The following SEZ6L variants were observed in gnomAD, a reference collection of about 807,000 sequenced individuals.
The protein encoded by SEZ6L is seizure 6-like protein.
Under a neutral mutation model 106.2 loss-of-function variants are expected in SEZ6L, and 37 were observed. That is an observed-to-expected ratio of 0.35 (90% CI 0.27 to 0.46). The LOEUF (loss-of-function observed/expected upper bound fraction) is 0.46. SEZ6L is among the 20% of genes least tolerant of loss of function. The pLI is 1.00. For synonymous variants in SEZ6L, 541 were observed against 570.4 expected (o/e 0.95, Z 0.73); for missense variants, 1,172 against 1,332.8 (o/e 0.88, Z 1.88).
intron 9 of SEZ6L, among the ~76,000 whole-genome samples, chr22:26,319,477 C>A (rs181766153): frequency 6.6e-6 from 1 of 152,222 alleles, no homozygotes; most frequent in African/African-American, 2.4e-5. Flanking sequence ...TCTCCAGCAT[C>A]GCTTTATTCC....
intron 4 of SEZ6L, among the ~76,000 whole-genome samples, chr22:26,298,032 A>G (rs960481102): frequency 6.6e-6 from 1 of 152,176 alleles, no homozygotes; most frequent in Admixed American, 6.5e-5. Context: ...CATGTGTTAT[A>G]TCAAATTGTC....
At chr22:26,183,600 A>G (rs920236584) in intron 1 of SEZ6L, among the ~76,000 whole-genome samples, 1 of 152,248 alleles carries the variant, frequency 6.6e-6, no homozygotes, top group Non-Finnish European at 1.5e-5. Flanking sequence ...GAGAACCTCC[A>G]ATAACCATCC....
chr22:26,304,391 A>G (rs931332318), intron 5 of SEZ6L, among the ~76,000 whole-genome samples: 1 of 141,080 alleles, frequency 7.1e-6, no homozygotes, highest in Admixed American at 6.9e-5. Context: ...AAAGAAAGAA[A>G]GAAAGAAAGA....
At chr22:26,317,217 C>T (rs1476874694) in intron 9 of SEZ6L, among the ~76,000 whole-genome samples, 3 of 152,098 alleles carry the variant, frequency 2.0e-5, no homozygotes, top group African/African-American at 7.2e-5. Flanking sequence ...CTTTAGGAAG[C>T]CTTCTGTGTC....
At chr22:26,310,428 C>T (rs892277690) in intron 6 of SEZ6L, among the ~76,000 whole-genome samples, 2 of 152,102 alleles carry the variant, frequency 1.3e-5, no homozygotes, top group Non-Finnish European at 2.9e-5. Context: ...CTCAGCTACT[C>T]GGGAGGCTGA....
chr22:26,260,880 C>T (rs752888826), intron 1 of SEZ6L, among the ~76,000 whole-genome samples: 2 of 152,116 alleles, frequency 1.3e-5, no homozygotes, highest in African/African-American at 4.8e-5. Context: ...TCACTGCATC[C>T]GTGCCAACGT....
chr22:26,215,907 T>TG (rs1456253764), intron 1 of SEZ6L, among the ~76,000 whole-genome samples: 2 of 152,190 alleles, frequency 1.3e-5, no homozygotes, highest in Non-Finnish European at 2.9e-5. Context: ...CAGCCTGATG[T>TG]GATGAGCTCG....
rs489363 is a variant in SEZ6L at position 26,382,495 on chromosome 22, A to G, written c.*2200A>G. 0.6 allele frequency: 91,019 copies of G among 152,406 alleles called. 29,394 individuals carry two copies. The highest frequency in any genetic ancestry group is 0.98 in the East Asian group (5,089 of 5,190). The allele number at this position is 152,406 out of a possible 1,614,324, so 9.4% of individuals were successfully genotyped here. A position where few individuals can be genotyped will look rare whatever the true frequency, so the allele number is the denominator to read the frequency against. On this transcript the variant is annotated 3_prime_UTR_variant, in exon 17 of 17. Transcript: ENST00000248933. ...CCCAGATGTTCTTATTGACTATTGG[A>G]AAGATAGAAAAGGCGTTGTGTTTTT...
chr22:26,375,765 C>G, intron 15 of SEZ6L, 76 bp downstream of exon 15: 1 of 1,112,568 alleles, frequency 9.0e-7, no homozygotes, highest in South Asian at 1.5e-5. Flanking sequence ...GTTCACCTCT[C>G]TGAGCCTCAG....
intron 1 of SEZ6L, among the ~76,000 whole-genome samples, chr22:26,262,439 A>G (rs1276655679): frequency 6.6e-6 from 1 of 152,176 alleles, no homozygotes; most frequent in Non-Finnish European, 1.5e-5. Flanking sequence ...AGGAACCAGG[A>G]TGTAACATAC....
At chr22:26,270,397 G>T (rs563673089) in intron 1 of SEZ6L, among the ~76,000 whole-genome samples, 1 of 151,898 alleles carries the variant, frequency 6.6e-6, no homozygotes, top group Non-Finnish European at 1.5e-5. Context: ...CAAACAGGAG[G>T]CTTAACTTGA....
chr22:26,281,587 C>T (rs1021446131), intron 1 of SEZ6L, among the ~76,000 whole-genome samples: 1 of 152,010 alleles, frequency 6.6e-6, no homozygotes, highest in African/African-American at 2.4e-5. Context: ...ACCGTGTTAG[C>T]CAGGATGGTC....
chr22:26,304,361 AAAAGAAAGAAGAAAGAAAGAAAGAAAG>A (rs1569454252), intron 5 of SEZ6L, among the ~76,000 whole-genome samples: 5 of 112,948 alleles, frequency 4.4e-5, no homozygotes, highest in Non-Finnish European at 7.2e-5. Flanking sequence ...CAAAAAAAAA[AAAAGAAAGAAGAAAGAAAGAAAGAAAG>A]AAAGAAAGAA....
intron 1 of SEZ6L, among the ~76,000 whole-genome samples, chr22:26,287,892 C>T (rs2080988161): frequency 6.6e-6 from 1 of 152,166 alleles, no homozygotes; most frequent in Non-Finnish European, 1.5e-5. Context: ...ATGAATTTAT[C>T]TGGTGGATAC....
intron 1 of SEZ6L, among the ~76,000 whole-genome samples, chr22:26,199,426 C>G (rs997669489): frequency 6.6e-6 from 1 of 152,082 alleles, no homozygotes; most frequent in Non-Finnish European, 1.5e-5. Flanking sequence ...TCTATTCATC[C>G]GAGAGAAAAC....
At chr22:26,262,521 C>T (rs1241476771) in intron 1 of SEZ6L, among the ~76,000 whole-genome samples, 3 of 152,186 alleles carry the variant, frequency 2.0e-5, no homozygotes, top group Non-Finnish European at 2.9e-5. Context: ...ATTGCAGCTG[C>T]TGGTGCTAGT....
rs138461927 is a variant in SEZ6L at position 26,180,181 on chromosome 22, T to C, written c.94+10418T>C. Among the ~76,000 whole-genome samples, 75 of 152,328 alleles carry C rather than the reference T, an allele frequency of 4.9e-4. 1 individual carries two copies. The highest frequency in any genetic ancestry group is 3.4e-3 in the Middle Eastern group (1 of 294). On this transcript the variant is annotated intron_variant, in intron 1 of 16. Transcript: ENST00000248933. The stretch of plus-strand genomic sequence containing the variant: ...TACCTTGGGATACAGCAATCGCCAC[T>C]GATGGTGTCTCACACACTTTCACTG...
intron 1 of SEZ6L, among the ~76,000 whole-genome samples, chr22:26,268,980 A>G (rs1336345844): frequency 1.3e-5 from 2 of 152,194 alleles, no homozygotes; most frequent in Non-Finnish European, 2.9e-5. Context: ...CTATAAGGTG[A>G]GAAGGATAAT....
At chr22:26,252,482 A>C (rs2079632804) in intron 1 of SEZ6L, among the ~76,000 whole-genome samples, 1 of 152,202 alleles carries the variant, frequency 6.6e-6, no homozygotes, top group Admixed American at 6.5e-5. Context: ...GGTATGGTAC[A>C]TGATGCTGAG....
Sources: gnomAD v4.1 joint callset for allele counts (sites outside exome capture counted in the v4.1 genomes callset) on GRCh38, gnomAD v4.1.1 for gene constraint, MANE v1.5 for transcripts, NCBI Gene and HGNC (gene_info 2026-07-23, HGNC 2026-07-21) for gene names.